The following TTC6 variants were observed in gnomAD, a reference collection of about 807,000 sequenced individuals.
TTC6 encodes tetratricopeptide repeat domain 6, also known as tetratricopeptide repeat protein 6.
Under a neutral mutation model 210.4 loss-of-function variants are expected in TTC6, and 172 were observed. The observed-to-expected ratio is 0.82, with a 90% confidence interval of 0.72 to 0.93. The LOEUF (loss-of-function observed/expected upper bound fraction) is 0.93, where lower values mean the gene tolerates loss of function less well. Among genes scored for constraint, TTC6 ranks in the 40% least tolerant of loss-of-function variants. The pLI is 0.00. For synonymous variants in TTC6, 804 were observed against 819.6 expected (o/e 0.98, Z 0.32); for missense variants, 2,414 against 2,318.1 (o/e 1.04, Z -0.85).
intron 10 of TTC6, among the ~76,000 whole-genome samples, chr14:37,747,079 T>C (rs1283152302): frequency 6.6e-6 from 1 of 152,182 alleles, no homozygotes; most frequent in Admixed American, 6.5e-5. Flanking sequence ...TAATAATTAT[T>C]GTTGTCCTAA....
chr14:37,677,750 T>C (rs1472089427), intron 1 of TTC6, among the ~76,000 whole-genome samples: 1 of 152,120 alleles, frequency 6.6e-6, no homozygotes, highest in Non-Finnish European at 1.5e-5. Flanking sequence ...GGTTCATTTG[T>C]CATGGTTCCT....
chr14:37,611,901 G>A (rs985916630), intron 2 of TTC6, among the ~76,000 whole-genome samples: 8 of 152,030 alleles, frequency 5.3e-5, no homozygotes, highest in Admixed American at 3.9e-4. Context: ...GACACTGTGG[G>A]CTTAATGCAA....
intron 17 of TTC6, among the ~76,000 whole-genome samples, chr14:37,793,858 T>C (rs1358631630): frequency 6.6e-6 from 1 of 152,202 alleles, no homozygotes; most frequent in Non-Finnish European, 1.5e-5. Flanking sequence ...CTATGCTAGC[T>C]GACTTGGAAG....
At chr14:37,771,921 C>T (rs994604052) in intron 14 of TTC6, among the ~76,000 whole-genome samples, 8 of 152,122 alleles carry the variant, frequency 5.3e-5, no homozygotes, top group African/African-American at 1.7e-4. Context: ...TGTTTTTTCC[C>T]CATCTTTGTG....
intron 12 of TTC6, among the ~76,000 whole-genome samples, chr14:37,750,409 A>G (rs948560168): frequency 2.6e-5 from 4 of 152,114 alleles, no homozygotes; most frequent in African/African-American, 4.8e-5. Context: ...CTAAAAGTCC[A>G]TTAAGTTTTG....
At chr14:37,795,229 C>G in intron 17 of TTC6, 41 bp from the exon 20 acceptor site, 1 of 1,357,002 alleles carries the variant, frequency 7.4e-7, no homozygotes, top group South Asian at 1.3e-5. Context: ...AGGAAGCAAT[C>G]GATGTTATTA....
At chr14:37,832,302 T>A (rs1430083915) in intron 29 of TTC6, among the ~76,000 whole-genome samples, 1 of 148,904 alleles carries the variant, frequency 6.7e-6, no homozygotes, top group Non-Finnish European at 1.5e-5. Context: ...TCTGCTCTGA[T>A]ATTTATTATT....
intron 11 of TTC6, 101 bp downstream of exon 13, chr14:37,749,502 A>G: frequency 2.4e-6 from 3 of 1,238,798 alleles, no homozygotes; most frequent in Non-Finnish European, 3.1e-6. Context: ...TGTTTATAGT[A>G]TAGCATGTGG....
At chr14:37,769,589 T>A (rs1288511774) in intron 14 of TTC6, among the ~76,000 whole-genome samples, 1 of 152,244 alleles carries the variant, frequency 6.6e-6, no homozygotes, top group Non-Finnish European at 1.5e-5. Flanking sequence ...TTTATTTCTG[T>A]AGAGGTATTT....
rs1225994255 is a variant in TTC6, at chr14:37,807,302, C to T, written c.4315-18C>T. ...ACTAAAGCATCCATTCCTGCTTTCT[C>T]TCTCTCTCTCTGAATAGGCATATTT... On this transcript the variant is annotated intron_variant, in intron 22 of 30. Coordinates refer to ENST00000553443, the Ensembl canonical transcript of TTC6. The T allele has an allele frequency of 4.7e-6, 7 of 1,480,836 alleles. No individual in the cohort carries two copies. The highest frequency in any genetic ancestry group is 6.3e-6 in the Non-Finnish European group (7 of 1,108,166). The allele number at this position is 1,480,836 out of a possible 1,614,324, so 91.7% of individuals were successfully genotyped here. A position where few individuals can be genotyped will look rare whatever the true frequency, so the allele number is the denominator to read the frequency against.
At chr14:37,763,703 A>G (rs1001238062) in intron 14 of TTC6, among the ~76,000 whole-genome samples, 7 of 151,942 alleles carry the variant, frequency 4.6e-5, no homozygotes, top group Non-Finnish European at 1.0e-4. Flanking sequence ...TTTTCTTCTT[A>G]GTCGGTCTAG....
At chr14:37,808,890 T>C (rs2096123975) in intron 24 of TTC6, 44 bp downstream of exon 26, 1 of 963,298 alleles carries the variant, frequency 1.0e-6, no homozygotes, top group Non-Finnish European at 1.6e-6. Flanking sequence ...AAGTGTTTAA[T>C]AAATAACATG....
chr14:37,797,761 T>C (rs2096096082), intron 20 of TTC6, among the ~76,000 whole-genome samples: 1 of 152,066 alleles, frequency 6.6e-6, no homozygotes. Flanking sequence ...TTCCCTATTT[T>C]CTTTGGAAAG....
chr14:37,725,742 GA>G (rs1438747323), intron 7 of TTC6, among the ~76,000 whole-genome samples: 1 of 151,966 alleles, frequency 6.6e-6, no homozygotes, highest in Non-Finnish European at 1.5e-5. Context: ...TTTTCTTTTT[GA>G]AAGAATGTTT....
Position 37,701,313 on chromosome 14 carries a change from T to C in TTC6, c.1377-19T>C. 7.3e-7 allele frequency: 1 copy of C among 1,369,570 alleles called. No homozygotes were observed. The highest frequency in any genetic ancestry group is 9.4e-7 in the Non-Finnish European group (1 of 1,062,982). The allele number at this position is 1,369,570 out of a possible 1,614,324, so 84.8% of individuals were successfully genotyped here. A position where few individuals can be genotyped will look rare whatever the true frequency, so the allele number is the denominator to read the frequency against. On this transcript the variant is annotated intron_variant, in intron 4 of 30. Coordinates refer to ENST00000553443, the Ensembl canonical transcript of TTC6. ...CCACAAAATGATGAAAGGAGCTCAC[T>C]TTCTTTTCTCTGTTGCAGAATTCCA...
At chr14:37,687,128 G>T (rs1274000401) in intron 3 of TTC6, among the ~76,000 whole-genome samples, 3 of 152,064 alleles carry the variant, frequency 2.0e-5, no homozygotes, top group African/African-American at 7.2e-5. Context: ...TCCCTGACCC[G>T]TTGGCAGCAG....
At chr14:37,806,458 G>T in exon 22 of TTC6, 1 of 1,535,338 alleles carries the variant, frequency 6.5e-7, no homozygotes. Flanking sequence ...CACAAGGATA[G>T]CTCGATTCTG....
chr14:37,675,254 A>G (rs1595090681), intron 1 of TTC6, among the ~76,000 whole-genome samples: 2 of 152,116 alleles, frequency 1.3e-5, no homozygotes, highest in Non-Finnish European at 2.9e-5. Flanking sequence ...GGCCCTGGCA[A>G]CAACAAGTTG....
intron 10 of TTC6, among the ~76,000 whole-genome samples, chr14:37,746,980 C>T (rs17107088): frequency 0.011 from 1,720 of 152,228 alleles, 31 homozygotes; most frequent in African/African-American, 0.039. Flanking sequence ...GCTTTATTAC[C>T]TTGGTGCACA....
Sources: gnomAD v4.1 joint callset for allele counts (sites outside exome capture counted in the v4.1 genomes callset) on GRCh38, gnomAD v4.1.1 for gene constraint, MANE v1.5 for transcripts, NCBI Gene and HGNC (gene_info 2026-07-23, HGNC 2026-07-21) for gene names.